Variants in CPS1 observed in about 807,000 individuals in gnomAD.
The protein encoded by CPS1 is carbamoyl-phosphate synthase 1, also known as carbamoyl-phosphate synthase [ammonia], mitochondrial.
CPS1 carries 109 observed loss-of-function variants against 174.6 expected under a neutral mutation model. That is an observed-to-expected ratio of 0.62 (90% CI 0.53 to 0.73). The LOEUF is 0.73. CPS1 is among the 30% of genes least tolerant of loss of function. The pLI is 0.00. For synonymous variants in CPS1, 637 were observed against 632.0 expected, an observed-to-expected ratio of 1.01 and a Z score of -0.12; for missense variants, 1,689 against 1,821.9, an observed-to-expected ratio of 0.93 and a Z score of 1.33.
chr2:210,664,501 G>A (rs752943808), intron 33 of CPS1, among the ~76,000 whole-genome samples: 7 of 151,822 alleles, frequency 4.6e-5, no homozygotes, highest in Non-Finnish European at 7.4e-5. Context: ...CACCACGCCC[G>A]GCTAATTTTG....
At chr2:210,573,819 T>C (rs1399283960) in intron 2 of CPS1, among the ~76,000 whole-genome samples, 1 of 152,072 alleles carries the variant, frequency 6.6e-6, no homozygotes, top group Non-Finnish European at 1.5e-5. Context: ...TTTGCACATC[T>C]AATATGAAAT....
In CPS1 at chr2:210,594,580, C is replaced by T. The variant is rs1437155577; in HGVS notation, c.1237C>T (p.Pro413Ser). The change falls in exon 12 of 38, where the codon CCA (proline) becomes TCA (serine). Residue 413 changes from proline (P) to serine (S), a missense_variant. Coordinates refer to ENST00000233072, the MANE Select transcript of CPS1 (RefSeq NM_001875.5). ...ATTITSVLPK[P>S]ALVASRVEVS... Reference sequence around the variant, plus strand: ...CACCATTACATCAGTCTTACCGAAGCCAGCACTAGTTGCATCTCGGGTTGA... The same window carrying T: ...CACCATTACATCAGTCTTACCGAAGTCAGCACTAGTTGCATCTCGGGTTGA... 6.2e-7 allele frequency: 1 copy of T among 1,611,144 alleles called. No individual in the cohort carries two copies.
chr2:210,632,627 A>G (rs1454757611), intron 21 of CPS1, among the ~76,000 whole-genome samples: 3 of 152,186 alleles, frequency 2.0e-5, no homozygotes, highest in African/African-American at 2.4e-5. Flanking sequence ...GGCAGCACTG[A>G]CTGTGGGAAG....
chr2:210,506,114 C>T (rs1695274607), intron 1 of CPS1, among the ~76,000 whole-genome samples: 1 of 152,270 alleles, frequency 6.6e-6, no homozygotes, highest in Admixed American at 6.5e-5. Flanking sequence ...CCCCGAATAG[C>T]CTAACTGGGA....
At chr2:210,666,064 C>T (rs1204187573) in intron 33 of CPS1, among the ~76,000 whole-genome samples, 1 of 151,274 alleles carries the variant, frequency 6.6e-6, no homozygotes, top group Non-Finnish European at 1.5e-5. Context: ...ATTTGCATTT[C>T]TCTGATGGCC....
At chr2:210,528,036 A>G (rs573976427) in intron 1 of CPS1, among the ~76,000 whole-genome samples, 1 of 152,058 alleles carries the variant, frequency 6.6e-6, no homozygotes, top group South Asian at 2.1e-4. Flanking sequence ...GTAACCGAAT[A>G]TATAGGGATA....
chr2:210,631,783 T>C (rs1008087088), intron 21 of CPS1, among the ~76,000 whole-genome samples: 1 of 152,236 alleles, frequency 6.6e-6, no homozygotes, highest in Admixed American at 6.5e-5. Context: ...GTATATATAA[T>C]AGCATATTTT....
intron 1 of CPS1, among the ~76,000 whole-genome samples, chr2:210,515,798 A>G (rs1695667302): frequency 6.6e-6 from 1 of 151,618 alleles, no homozygotes; most frequent in African/African-American, 2.4e-5. Flanking sequence ...TTAGATCGTT[A>G]ATTTGAGATC....
intron 25 of CPS1, among the ~76,000 whole-genome samples, chr2:210,646,931 G>A (rs1455788437): frequency 2.6e-5 from 4 of 151,658 alleles, no homozygotes; most frequent in Admixed American, 2.0e-4. Context: ...AGATTTAGTG[G>A]ACTATTTTTT....
At chr2:210,559,032 TTG>T (rs1261248250) in intron 1 of CPS1, among the ~76,000 whole-genome samples, 1 of 152,108 alleles carries the variant, frequency 6.6e-6, no homozygotes, top group East Asian at 1.9e-4. Context: ...CCAAGGGGAC[TTG>T]TGTTATTATT....
At chr2:210,496,798 G>T (rs947403939) in intron 1 of CPS1, among the ~76,000 whole-genome samples, 1 of 152,150 alleles carries the variant, frequency 6.6e-6, no homozygotes, top group African/African-American at 2.4e-5. Flanking sequence ...GCACGGCTCA[G>T]TGCCTCACCT....
Position 210,592,937 on chromosome 2 carries a change from C to T in CPS1, c.1145C>T (p.Pro382Leu), listed in dbSNP as rs201407486. 39 of 1,612,068 alleles carry T rather than the reference C, an allele frequency of 2.4e-5. No individual in the cohort carries two copies. Among genetic ancestry groups the T allele is most frequent in the Non-Finnish European group, 2.9e-5 (34 of 1,178,824 alleles). The change falls in exon 11 of 38, where the codon CCG (proline) becomes CTG (leucine). Residue 382 changes from proline to leucine, a missense_variant. By Grantham distance (98) the Pro-to-Leu change is moderately conservative. Transcript: ENST00000233072. The stretch of plus-strand genomic sequence containing the variant: ...GTGCAGTTCCACCCAGAGGTCACCC[C>T]GGGGCCAATAGACACTGAGGTACGT... ...FAVQFHPEVT[P>L]GPIDTEYLFD...
At chr2:210,604,642 C>G (rs756809196) in intron 16 of CPS1, among the ~76,000 whole-genome samples, 4 of 151,904 alleles carry the variant, frequency 2.6e-5, no homozygotes, top group Non-Finnish European at 5.9e-5. Context: ...CCTTTCTCCT[C>G]CTCATCAACA....
At chr2:210,518,967 C>A (rs1022436337) in intron 1 of CPS1, among the ~76,000 whole-genome samples, 1 of 151,984 alleles carries the variant, frequency 6.6e-6, no homozygotes, top group African/African-American at 2.4e-5. Context: ...GCCTTAAAAA[C>A]ATCTTTAGTT....
chr2:210,676,033 A>G (rs1186020334), intron 36 of CPS1, among the ~76,000 whole-genome samples, 193 bp downstream of exon 36: 1 of 152,250 alleles, frequency 6.6e-6, no homozygotes, highest in African/African-American at 2.4e-5. Context: ...TGGTGATATG[A>G]AACGTGTTTC....
At chr2:210,593,525 T>C (rs1698380890) in intron 11 of CPS1, 1 of 987,082 alleles carries the variant, frequency 1.0e-6, no homozygotes, top group African/African-American at 1.7e-5. Context: ...TTTTTGTGTG[T>C]GAGCTCTTAG....
chr2:210,678,272 T>TA lies in CPS1; in HGVS notation c.*288dup. 1 of 451,310 alleles carries TA rather than the reference T, an allele frequency of 2.2e-6. No individual in the cohort carries two copies. The highest frequency in any genetic ancestry group is 4.1e-6 in the Non-Finnish European group (1 of 244,616). 28.0% of individuals were successfully genotyped at this position (451,310 alleles called of 1,614,324 possible). ...TGCTTATGTGTAGCTTTTTACTTTT[T>TA]ATGGTGCTGATTAATGGTGATCAAG... On this transcript the variant is annotated 3_prime_UTR_variant, in exon 38 of 38. Transcript: ENST00000233072.
intron 1 of CPS1, among the ~76,000 whole-genome samples, chr2:210,496,596 T>C (rs1162622270): frequency 6.6e-6 from 1 of 152,180 alleles, no homozygotes; most frequent in African/African-American, 2.4e-5. Context: ...TTTGGCTGTT[T>C]CTCAGCATGA....
chr2:210,496,204 A>G (rs1694988111), intron 1 of CPS1, among the ~76,000 whole-genome samples: 1 of 152,164 alleles, frequency 6.6e-6, no homozygotes, highest in East Asian at 1.9e-4. Flanking sequence ...TGATTTGCAC[A>G]AGAGAATGCT....
Sources: gnomAD v4.1 joint callset for allele counts (sites outside exome capture counted in the v4.1 genomes callset) on GRCh38, gnomAD v4.1.1 for gene constraint, MANE v1.5 for transcripts, NCBI Gene and HGNC (gene_info 2026-07-23, HGNC 2026-07-21) for gene names.